MYO3A: variants seen among roughly 807,000 people sequenced by gnomAD.
MYO3A encodes myosin IIIA.
In MYO3A, 180 loss-of-function variants were observed where a neutral mutation model predicts 192.7. The observed-to-expected ratio is 0.93, with a 90% confidence interval of 0.83 to 1.06. The LOEUF (loss-of-function observed/expected upper bound fraction) is 1.06. Ranked by LOEUF, MYO3A falls within the 50% of genes least tolerant of loss-of-function variation. MYO3A has a pLI of 0.00. For missense variants in MYO3A, 1,896 were observed against 1,905.0 expected (o/e 1.00, Z 0.09); for synonymous variants, 628 against 645.3 (o/e 0.97, Z 0.41).
intron 4 of MYO3A, among the ~76,000 whole-genome samples, chr10:25,971,326 A>G (rs944748932): frequency 2.0e-5 from 3 of 152,198 alleles, no homozygotes; most frequent in African/African-American, 7.2e-5. Context: ...CAATACAATT[A>G]TATGCCTAAT....
intron 32 of MYO3A, among the ~76,000 whole-genome samples, chr10:26,194,939 ACACT>A (rs897793141): frequency 7.9e-5 from 12 of 152,244 alleles, no homozygotes; most frequent in African/African-American, 2.9e-4. Context: ...ATGGGCGCAC[ACACT>A]CACAGCTTTG....
chr10:25,962,698 T>C (rs1838010281), intron 4 of MYO3A, among the ~76,000 whole-genome samples: 1 of 152,142 alleles, frequency 6.6e-6, no homozygotes, highest in African/African-American at 2.4e-5. Flanking sequence ...CTGTTGGGGA[T>C]CAGTATCAAG....
intron 25 of MYO3A, 77 bp downstream of exon 25, chr10:26,154,900 A>G (rs1841023590): frequency 8.4e-7 from 1 of 1,185,654 alleles, no homozygotes; most frequent in Non-Finnish European, 1.2e-6. Flanking sequence ...AAAGCCAGTA[A>G]CACTAGCAAA....
intron 31 of MYO3A, among the ~76,000 whole-genome samples, chr10:26,190,305 G>A (rs996110815): frequency 6.6e-6 from 1 of 152,160 alleles, no homozygotes; most frequent in Non-Finnish European, 1.5e-5. Flanking sequence ...AGAGGCACAC[G>A]GCAAAGGTGT....
Position 26,120,695 on chromosome 10 carries a change from G to A in MYO3A, c.1796G>A (p.Ser599Asn), listed in dbSNP as rs142289318. The A allele has an allele frequency of 2.2e-5, 36 of 1,613,874 alleles. No homozygotes were observed. Among genetic ancestry groups the A allele is most frequent in the Non-Finnish European group, 2.6e-5 (31 of 1,179,984 alleles). Reference protein sequence around the residue: ...FTMEQLGSIYSILAAILNVGN... With the variant: ...FTMEQLGSIYNILAAILNVGN... ...TTTCAGCAACTTGGTAGTATATACA[G>A]CATACTCGCTGCAATCTTGAATGTT... Residue 599 changes from serine (S) to asparagine (N), a missense_variant, in exon 18 of 35, where the codon AGC (serine) becomes AAC (asparagine). Ser to Asn is a conservative substitution (Grantham distance 46). Coordinates refer to ENST00000642920, the MANE Select transcript of MYO3A (RefSeq NM_017433.5).
At chr10:26,120,841 C>T (rs1309620899) in intron 18 of MYO3A, 39 bp downstream of exon 18, 3 of 1,609,818 alleles carry the variant, frequency 1.9e-6, no homozygotes, top group Middle Eastern at 1.7e-4. Context: ...TGAAATCTTT[C>T]AAATCTTATG....
chr10:26,170,628 A>G, intron 29 of MYO3A, 89 bp downstream of exon 29: 1 of 1,418,684 alleles, frequency 7.0e-7, no homozygotes. Flanking sequence ...CCTTTCTTGT[A>G]CTAGTCAGGT....
intron 8 of MYO3A, chr10:26,023,001 C>G (rs1265137489): frequency 6.6e-6 from 1 of 152,078 alleles, no homozygotes; most frequent in East Asian, 1.9e-4. Context: ...TGAAATAATC[C>G]AAACTTTGTT....
intron 4 of MYO3A, among the ~76,000 whole-genome samples, chr10:25,969,690 G>A (rs1838493627): frequency 6.6e-6 from 1 of 152,092 alleles, no homozygotes; most frequent in Admixed American, 6.5e-5. Flanking sequence ...AACAAATACA[G>A]CAATGTGGTA....
At chr10:25,991,896 A>G (rs1188935385) in intron 4 of MYO3A, among the ~76,000 whole-genome samples, 4 of 152,190 alleles carry the variant, frequency 2.6e-5, no homozygotes, top group African/African-American at 9.7e-5. Context: ...TACCAGTACC[A>G]TGCTGTTTTG....
chr10:25,954,675 A>G (rs1196128631), intron 3 of MYO3A, among the ~76,000 whole-genome samples, 199 bp from the exon 4 acceptor site: 1 of 152,094 alleles, frequency 6.6e-6, no homozygotes, highest in Non-Finnish European at 1.5e-5. Context: ...ATAACTTGAG[A>G]TTCACTTGAT....
intron 20 of MYO3A, among the ~76,000 whole-genome samples, chr10:26,141,062 G>C (rs1840134332): frequency 6.6e-6 from 1 of 151,938 alleles, no homozygotes; most frequent in Non-Finnish European, 1.5e-5. Context: ...TGAGTAGCTG[G>C]GGCTCCAGGC....
intron 19 of MYO3A, among the ~76,000 whole-genome samples, chr10:26,127,672 T>G (rs1297583215): frequency 6.6e-6 from 1 of 152,078 alleles, no homozygotes; most frequent in African/African-American, 2.4e-5. Flanking sequence ...GAGAAGCTTT[T>G]GTACTTTCTT....
intron 20 of MYO3A, among the ~76,000 whole-genome samples, chr10:26,140,534 A>C (rs1479630536): frequency 6.6e-6 from 1 of 152,082 alleles, no homozygotes; most frequent in Non-Finnish European, 1.5e-5. Context: ...AAGTACAAAA[A>C]TTAGCTGGGC....
chr10:26,136,212 T>C (rs1839838471), intron 20 of MYO3A, among the ~76,000 whole-genome samples: 2 of 152,094 alleles, frequency 1.3e-5, no homozygotes, highest in South Asian at 4.1e-4. Context: ...GGTAGGACCA[T>C]AAAAAAGTGG....
intron 6 of MYO3A, among the ~76,000 whole-genome samples, chr10:26,000,700 T>C (rs1188293075): frequency 6.6e-6 from 1 of 151,872 alleles, no homozygotes; most frequent in Non-Finnish European, 1.5e-5. Context: ...GAAACAGAGT[T>C]TCCCTCTGTC....
chr10:26,012,943 C>A (rs1408536000), intron 6 of MYO3A, among the ~76,000 whole-genome samples: 4 of 152,100 alleles, frequency 2.6e-5, no homozygotes, highest in African/African-American at 7.2e-5. Context: ...ACCAATGGAA[C>A]AGAATAGAGA....
At chr10:26,198,454 C>T (rs1043870091) in intron 32 of MYO3A, among the ~76,000 whole-genome samples, 1 of 152,218 alleles carries the variant, frequency 6.6e-6, no homozygotes, top group Non-Finnish European at 1.5e-5. Flanking sequence ...TATCAGAGAT[C>T]CCTTCCAATT....
chr10:26,050,218 C>G (rs1416927274), intron 10 of MYO3A, among the ~76,000 whole-genome samples: 1 of 152,064 alleles, frequency 6.6e-6, no homozygotes, highest in African/African-American at 2.4e-5. Flanking sequence ...AATATATTTA[C>G]GGCCTCCCAA....
Sources: gnomAD v4.1 joint callset for allele counts (sites outside exome capture counted in the v4.1 genomes callset) on GRCh38, gnomAD v4.1.1 for gene constraint, MANE v1.5 for transcripts, NCBI Gene and HGNC (gene_info 2026-07-23, HGNC 2026-07-21) for gene names.